LMAN2L: variants seen among roughly 807,000 people sequenced by gnomAD.
The protein encoded by LMAN2L is lectin, mannose binding 2 like.
Under a neutral mutation model 44.3 loss-of-function variants are expected in LMAN2L, and 30 were observed. The observed-to-expected ratio is 0.68, with a 90% CI of 0.51 to 0.92. LMAN2L has a LOEUF of 0.92. LMAN2L is among the 40% of genes least tolerant of loss of function. The pLI, the probability that LMAN2L is intolerant of heterozygous loss-of-function variation, is 0.00. For missense variants in LMAN2L, 429 were observed against 446.1 expected, an observed-to-expected ratio of 0.96 and a Z score of 0.35; for synonymous variants, 183 against 171.1, an observed-to-expected ratio of 1.07 and a Z score of -0.54.
intron 4 of LMAN2L, among the ~76,000 whole-genome samples, chr2:96,730,734 G>A (rs774628594): frequency 6.6e-6 from 1 of 151,890 alleles, no homozygotes; most frequent in Non-Finnish European, 1.5e-5. Flanking sequence ...GTGCAGTGGC[G>A]TGATCTCAGC....
chr2:96,715,274 T>C (rs892897591), intron 4 of LMAN2L, among the ~76,000 whole-genome samples: 13 of 152,196 alleles, frequency 8.5e-5, no homozygotes, highest in Non-Finnish European at 2.9e-5. Flanking sequence ...CAGAAGGCTG[T>C]GATGTGCAGC....
intron 6 of LMAN2L, 110 bp from the exon 7 acceptor site, chr2:96,707,943 T>A (rs1169318282): frequency 1.3e-5 from 14 of 1,111,658 alleles, no homozygotes; most frequent in Non-Finnish European, 1.8e-5. Flanking sequence ...AGCAGTGACC[T>A]TGAAAAAATA....
chr2:96,708,337 G>A (rs886829566), intron 6 of LMAN2L, among the ~76,000 whole-genome samples: 3 of 152,176 alleles, frequency 2.0e-5, no homozygotes, highest in African/African-American at 7.2e-5. Context: ...TACAGAATAG[G>A]CTTTGTGTTA....
intron 4 of LMAN2L, 53 bp downstream of exon 4, chr2:96,733,466 C>A (rs2078448257): frequency 7.4e-7 from 1 of 1,346,944 alleles, no homozygotes; most frequent in Non-Finnish European, 1.1e-6. Context: ...ATTCCTGAGG[C>A]AAAGAACTGT....
chr2:96,708,947 T>C (rs1419126919), intron 6 of LMAN2L, among the ~76,000 whole-genome samples: 1 of 141,050 alleles, frequency 7.1e-6, no homozygotes, highest in African/African-American at 2.7e-5. Context: ...AGAGTTTTGC[T>C]CTTGTTGCCC....
chr2:96,734,568 T>C (rs1235937640), intron 2 of LMAN2L, 42 bp from the exon 3 acceptor site: 2 of 1,261,264 alleles, frequency 1.6e-6, no homozygotes, highest in East Asian at 2.3e-5. Context: ...GAGCATGAAA[T>C]GCAAAACCCC....
At chr2:96,708,806 GAGA>G in intron 6 of LMAN2L, among the ~76,000 whole-genome samples, 1 of 151,584 alleles carries the variant, frequency 6.6e-6, no homozygotes, top group East Asian at 1.9e-4. Context: ...AATTACCAGA[GAGA>G]AGATCAAGCA....
At chr2:96,714,230 C>A (rs2077987903) in intron 4 of LMAN2L, among the ~76,000 whole-genome samples, 1 of 152,150 alleles carries the variant, frequency 6.6e-6, no homozygotes, top group Non-Finnish European at 1.5e-5. Flanking sequence ...AGGGAGTCCA[C>A]CAAAAGATCT....
intron 1 of LMAN2L, among the ~76,000 whole-genome samples, chr2:96,739,472 C>A (rs2078588685): frequency 6.6e-6 from 1 of 152,152 alleles, no homozygotes; most frequent in South Asian, 2.1e-4. Context: ...CAAGTTCTAC[C>A]CCAGTTCTTC....
intron 4 of LMAN2L, among the ~76,000 whole-genome samples, chr2:96,713,896 A>T (rs1046445334): frequency 6.6e-6 from 1 of 152,226 alleles, no homozygotes; most frequent in Admixed American, 6.5e-5. Flanking sequence ...CATTAGCGAC[A>T]AGAGGTACCT....
Position 96,705,999 on chromosome 2 carries a change from G to A in LMAN2L, c.*1257C>T, listed in dbSNP as rs1248781236. 1 of 152,566 alleles carries A rather than the reference G, an allele frequency of 6.6e-6. No individual in the cohort carries two copies. Among genetic ancestry groups the A allele is most frequent in the Non-Finnish European group, 1.5e-5 (1 of 68,048 alleles). The allele number at this position is 152,566 out of a possible 1,614,324, so 9.5% of individuals were successfully genotyped here. ...GTTCATAGGAGGACTCAGAGTTCCA[G>A]GCCCTCCAAGGAGACTCTGGCCTGT... On this transcript the variant is annotated 3_prime_UTR_variant, in exon 8 of 8. Transcript: ENST00000264963.
chr2:96,712,491 C>T (rs1395804194), intron 4 of LMAN2L, among the ~76,000 whole-genome samples: 2 of 152,202 alleles, frequency 1.3e-5, no homozygotes, highest in East Asian at 1.9e-4. Context: ...CTGCACACAG[C>T]GGGTATTCTG....
intron 6 of LMAN2L, 108 bp downstream of exon 6, chr2:96,711,548 C>A: frequency 1.4e-6 from 1 of 712,738 alleles, no homozygotes; most frequent in African/African-American, 1.8e-5. Context: ...GAGGCACCTC[C>A]TTCCAGAGCA....
intron 6 of LMAN2L, among the ~76,000 whole-genome samples, chr2:96,708,222 C>G (rs2153319693): frequency 6.6e-6 from 1 of 152,368 alleles, no homozygotes; most frequent in Middle Eastern, 3.4e-3. Context: ...TGGGCAGCAG[C>G]AGTGAGCTGT....
At chr2:96,712,689 C>A (rs1323246142) in intron 4 of LMAN2L, among the ~76,000 whole-genome samples, 2 of 152,230 alleles carry the variant, frequency 1.3e-5, no homozygotes, top group Non-Finnish European at 2.9e-5. Context: ...GCCTCCTCCA[C>A]ACGTAACTTC....
At chr2:96,726,763 G>A (rs1020121602) in intron 4 of LMAN2L, among the ~76,000 whole-genome samples, 3 of 151,446 alleles carry the variant, frequency 2.0e-5, no homozygotes, top group African/African-American at 7.3e-5. Flanking sequence ...CAGCCTGGGT[G>A]ACAGAGCAAG....
intron 2 of LMAN2L, among the ~76,000 whole-genome samples, chr2:96,735,937 A>G (rs111303715): frequency 0.077 from 11,683 of 152,184 alleles, 508 homozygotes; most frequent in Middle Eastern, 0.16. Flanking sequence ...ATTTGAGCCC[A>G]GGAGGTCCAG....
Position 96,707,250 on chromosome 2 carries a change from G to A in LMAN2L, c.*6C>T. ...ACAGTCACAAAAGTGGTGGCAGCAG[G>A]AGGGCTCAGTAGAAGCGCTTTCGGC... On this transcript the variant is annotated 3_prime_UTR_variant, in exon 8 of 8. Coordinates refer to ENST00000264963, the MANE Select transcript of LMAN2L (RefSeq NM_030805.4). 6.2e-7 allele frequency: 1 copy of A among 1,613,596 alleles called. No individual in the cohort carries two copies. The highest frequency in any genetic ancestry group is 8.5e-7 in the Non-Finnish European group (1 of 1,179,678).
intron 5 of LMAN2L, 36 bp downstream of exon 5, chr2:96,711,828 C>G: frequency 1.9e-6 from 3 of 1,613,436 alleles, no homozygotes; most frequent in Non-Finnish European, 2.5e-6. Context: ...GCGACACAGC[C>G]CACACCACCA....
Sources: allele counts gnomAD v4.1 joint callset (sites outside exome capture counted in the v4.1 genomes callset), GRCh38; gene constraint gnomAD v4.1.1; transcripts MANE v1.5; gene names NCBI Gene and HGNC (gene_info 2026-07-23, HGNC 2026-07-21).